Variants in LEPROT observed in about 807,000 individuals in gnomAD.
LEPROT encodes leptin receptor overlapping transcript.
Under a neutral mutation model 15.4 loss-of-function variants are expected in LEPROT, and 3 were observed. The ratio of observed to expected loss-of-function variants is 0.19; its 90% confidence interval spans 0.09 to 0.50. LEPROT has a LOEUF of 0.50. Ranked by LOEUF, LEPROT falls within the 20% of genes least tolerant of loss-of-function variation. LEPROT has a pLI of 0.97. For missense variants in LEPROT, 137 were observed against 162.2 expected, an observed-to-expected ratio of 0.84 and a Z score of 0.84; for synonymous variants, 59 against 57.5, an observed-to-expected ratio of 1.03 and a Z score of -0.12.
chr1:65,428,633 A>G (rs947603544), intron 2 of LEPROT, among the ~76,000 whole-genome samples: 9 of 151,556 alleles, frequency 5.9e-5, no homozygotes, highest in African/African-American at 1.9e-4. Context: ...CTTCATCCCA[A>G]CTCCTGCTTG....
At chr1:65,422,463 C>T (rs1646269917) in intron 1 of LEPROT, among the ~76,000 whole-genome samples, 1 of 152,234 alleles carries the variant, frequency 6.6e-6, no homozygotes, top group South Asian at 2.1e-4. Context: ...CCAGAACTGT[C>T]AGAAGATAAA....
At position 65,434,000 on chromosome 1, in the gene LEPROT, T is replaced by C; in HGVS notation, c.*2081T>C. The C allele has an allele frequency of 3.0e-6, 3 of 985,352 alleles. No homozygotes were observed. The highest frequency in any genetic ancestry group is 3.6e-6 in the Non-Finnish European group (3 of 829,828). 61.0% of individuals were successfully genotyped at this position (985,352 alleles called of 1,614,324 possible). Reference sequence around the variant, plus strand: ...GCTTTTCTTTCTAAGATGGCAATAATGATTCATTTCTACTACATTTTGCAA... The same window carrying C: ...GCTTTTCTTTCTAAGATGGCAATAACGATTCATTTCTACTACATTTTGCAA... On this transcript the variant is annotated 3_prime_UTR_variant, in exon 4 of 4. Coordinates refer to ENST00000371065, the MANE Select transcript of LEPROT (RefSeq NM_017526.5).
Position 65,434,696 on chromosome 1 carries a change from C to G in LEPROT, c.*2777C>G. Reference sequence around the variant, plus strand: ...CAAGGTCTTTCTCCTTTTAATTTTTCCACTCATTTTCACCTCCTAATGCCC... The same window carrying G: ...CAAGGTCTTTCTCCTTTTAATTTTTGCACTCATTTTCACCTCCTAATGCCC... On this transcript the variant is annotated 3_prime_UTR_variant, in exon 4 of 4. Coordinates refer to ENST00000371065, the MANE Select transcript of LEPROT (RefSeq NM_017526.5). The G allele has an allele frequency of 1.0e-6, 1 of 985,400 alleles. No individual in the cohort carries two copies. The highest frequency in any genetic ancestry group is 1.2e-6 in the Non-Finnish European group (1 of 829,954). The allele number at this position is 985,400 out of a possible 1,614,324, so 61.0% of individuals were successfully genotyped here. A position where few individuals can be genotyped will look rare whatever the true frequency, so the allele number is the denominator to read the frequency against.
At chr1:65,423,420 T>C (rs1218798691) in intron 1 of LEPROT, among the ~76,000 whole-genome samples, 1 of 152,014 alleles carries the variant, frequency 6.6e-6, no homozygotes, top group African/African-American at 2.4e-5. Context: ...GTTGTGAACG[T>C]TGAGAAACTG....
chr1:65,432,740 C>A lies in LEPROT; in HGVS notation c.*821C>A. 1.6e-6 allele frequency: 1 copy of A among 618,648 alleles called. No individual in the cohort carries two copies. The highest frequency in any genetic ancestry group is 2.0e-6 in the Non-Finnish European group (1 of 495,512). The allele number at this position is 618,648 out of a possible 1,614,324, so 38.3% of individuals were successfully genotyped here. A position where few individuals can be genotyped will look rare whatever the true frequency, so the allele number is the denominator to read the frequency against. ...ATAAGTGTGATTTTTTTTTAAAGAT[C>A]ACTTGCACAGCATGCTAAATATAGG... On this transcript the variant is annotated 3_prime_UTR_variant, in exon 4 of 4. Transcript: ENST00000371065.
In LEPROT at chr1:65,433,905, A is replaced by C; in HGVS notation, c.*1986A>C. 2.0e-6 allele frequency: 2 copies of C among 985,208 alleles called. No homozygotes were observed. Among genetic ancestry groups the C allele is most frequent in the Non-Finnish European group, 2.4e-6 (2 of 829,688 alleles). 61.0% of individuals were successfully genotyped at this position (985,208 alleles called of 1,614,324 possible). A position where few individuals can be genotyped will look rare whatever the true frequency, so the allele number is the denominator to read the frequency against. ...TTTAAAATGGGCAGTTTTGAGCAAT[A>C]ATCTGTCCTAACAGAACAGTAGCAA... On this transcript the variant is annotated 3_prime_UTR_variant, in exon 4 of 4. Transcript: ENST00000371065.
intron 3 of LEPROT, 198 bp downstream of exon 3, chr1:65,430,246 A>G (rs1218751337): frequency 9.7e-6 from 4 of 411,436 alleles, no homozygotes; most frequent in African/African-American, 2.0e-5. Context: ...TATTTCTCTT[A>G]CAACTTTTAG....
Position 65,435,534 on chromosome 1 carries a change from A to T in LEPROT, c.*3615A>T. The T allele has an allele frequency of 2.4e-6, 1 of 410,868 alleles. No individual in the cohort carries two copies. Among genetic ancestry groups the T allele is most frequent in the Non-Finnish European group, 3.3e-6 (1 of 305,060 alleles). The allele number at this position is 410,868 out of a possible 1,614,324, so 25.5% of individuals were successfully genotyped here. On this transcript the variant is annotated 3_prime_UTR_variant, in exon 4 of 4. Transcript: ENST00000371065. ...AGGCTCCCGCCACCACGCCTGGCTA[A>T]TTTTTTTGTATTTTTAGTAAAGACG...
rs1646498728 is a variant in LEPROT at position 65,432,424 on chromosome 1, A to G, written c.*505A>G. The G allele has an allele frequency of 4.0e-6, 3 of 757,948 alleles. No individual in the cohort carries two copies. The highest frequency in any genetic ancestry group is 3.2e-6 in the Non-Finnish European group (2 of 622,000). The allele number at this position is 757,948 out of a possible 1,614,324, so 47.0% of individuals were successfully genotyped here. ...TGAAGCCCCACTCTGGACCCAGGAC[A>G]TTTTGATGAGATCCAAAGGAGTTGT... On this transcript the variant is annotated 3_prime_UTR_variant, in exon 4 of 4. Transcript: ENST00000371065.
intron 2 of LEPROT, among the ~76,000 whole-genome samples, chr1:65,429,140 G>A (rs1030285831): frequency 1.3e-5 from 2 of 152,196 alleles, no homozygotes; most frequent in African/African-American, 4.8e-5. Context: ...GTTCGAGGGT[G>A]ACCTGGGGTA....
intron 2 of LEPROT, among the ~76,000 whole-genome samples, chr1:65,426,446 G>A (rs548029126): frequency 2.4e-4 from 37 of 152,150 alleles, no homozygotes; most frequent in Non-Finnish European, 4.4e-4. Context: ...GGAGGAGGGG[G>A]TTATGTTAAA....
intron 2 of LEPROT, among the ~76,000 whole-genome samples, chr1:65,428,281 CAT>C (rs1449375744): frequency 1.3e-5 from 2 of 151,916 alleles, no homozygotes; most frequent in Non-Finnish European, 2.9e-5. Flanking sequence ...TGAATGAAAA[CAT>C]AGAGTCAGAT....
intron 2 of LEPROT, among the ~76,000 whole-genome samples, chr1:65,428,845 A>G (rs550376346): frequency 1.1e-3 from 164 of 152,186 alleles, no homozygotes; most frequent in African/African-American, 3.9e-3. Context: ...TTTTTTTATA[A>G]TTGCAAAATG....
At chr1:65,427,822 G>A (rs748522871) in intron 2 of LEPROT, 2 of 412,522 alleles carry the variant, frequency 4.8e-6, no homozygotes, top group South Asian at 1.8e-5. Context: ...AGAAGTTTTT[G>A]TAGAGACCGA....
intron 3 of LEPROT, among the ~76,000 whole-genome samples, chr1:65,430,933 T>C (rs1029340297): frequency 1.3e-5 from 2 of 152,184 alleles, no homozygotes; most frequent in African/African-American, 4.8e-5. Flanking sequence ...TGAGGTAGGA[T>C]GGCTGTTGTA....
intron 2 of LEPROT, among the ~76,000 whole-genome samples, chr1:65,428,681 T>C (rs775109111): frequency 2.8e-4 from 42 of 152,168 alleles, no homozygotes; most frequent in Non-Finnish European, 5.7e-4. Context: ...ATTACAGTAT[T>C]GTGGTGATAT....
Position 65,432,601 on chromosome 1 carries a change from T to C in LEPROT, c.*682T>C. ...AAAAAAGTCTCACCTGCTTTCATGC[T>C]GAGGACAAGTTCAGATGTTCAAGCC... On this transcript the variant is annotated 3_prime_UTR_variant, in exon 4 of 4. Coordinates refer to ENST00000371065, the MANE Select transcript of LEPROT (RefSeq NM_017526.5). The C allele has an allele frequency of 1.0e-6, 1 of 984,216 alleles. No homozygotes were observed. 61.0% of individuals were successfully genotyped at this position (984,216 alleles called of 1,614,324 possible). A position where few individuals can be genotyped will look rare whatever the true frequency, so the allele number is the denominator to read the frequency against.
Position 65,434,974 on chromosome 1 carries a change from G to T in LEPROT, c.*3055G>T. On this transcript the variant is annotated 3_prime_UTR_variant, in exon 4 of 4. Transcript: ENST00000371065. ...AAATTCCTTTTGACACCTGCATTGG[G>T]CCGACTGCCATTCCCATGACTGCTG... 1 of 985,476 alleles carries T rather than the reference G, an allele frequency of 1.0e-6. No homozygotes were observed. Among genetic ancestry groups the T allele is most frequent in the Non-Finnish European group, 1.2e-6 (1 of 829,990 alleles). 61.0% of individuals were successfully genotyped at this position (985,476 alleles called of 1,614,324 possible). A position where few individuals can be genotyped will look rare whatever the true frequency, so the allele number is the denominator to read the frequency against.
At chr1:65,428,973 C>T (rs1398788912) in intron 2 of LEPROT, among the ~76,000 whole-genome samples, 1 of 152,060 alleles carries the variant, frequency 6.6e-6, no homozygotes, top group Non-Finnish European at 1.5e-5. Context: ...TATTTATTTT[C>T]ATGCCTTCCG....
Sources: allele counts gnomAD v4.1 joint callset (sites outside exome capture counted in the v4.1 genomes callset), GRCh38; gene constraint gnomAD v4.1.1; transcripts MANE v1.5; gene names NCBI Gene and HGNC (gene_info 2026-07-23, HGNC 2026-07-21).